The following ATRNL1 variants were observed in gnomAD, a reference collection of about 807,000 sequenced individuals.
The protein encoded by ATRNL1 is attractin like 1.
In ATRNL1, 95 loss-of-function variants were observed where a neutral mutation model predicts 182.7. The observed-to-expected ratio is 0.52, with a 90% CI of 0.44 to 0.62. ATRNL1 has a LOEUF of 0.62. Ranked by LOEUF, ATRNL1 falls within the 20% of genes least tolerant of loss-of-function variation. ATRNL1 has a pLI of 0.00. For missense variants in ATRNL1, 1,471 were observed against 1,679.5 expected (o/e 0.88, Z 2.17); for synonymous variants, 576 against 568.3 (o/e 1.01, Z -0.19).
chr10:115,287,891 T>C (rs1852698706), intron 15 of ATRNL1, among the ~76,000 whole-genome samples: 3 of 149,986 alleles, frequency 2.0e-5, no homozygotes, highest in Admixed American at 6.6e-5. Context: ...CTCTAGTACC[T>C]CTCCTCTACA....
chr10:115,891,943 G>A (rs937177230), intron 28 of ATRNL1, among the ~76,000 whole-genome samples: 12 of 152,106 alleles, frequency 7.9e-5, no homozygotes, highest in South Asian at 4.1e-4. Flanking sequence ...TGTGCAGTAC[G>A]GATGCTCACA....
At chr10:115,467,082 G>A in intron 22 of ATRNL1, 92 bp from the exon 23 acceptor site, 1 of 703,898 alleles carries the variant, frequency 1.4e-6, no homozygotes, top group Admixed American at 2.5e-5. Flanking sequence ...AGAGTTTAAG[G>A]AATAAAACAG....
At chr10:115,687,088 G>T (rs1232193797) in intron 26 of ATRNL1, among the ~76,000 whole-genome samples, 1 of 151,800 alleles carries the variant, frequency 6.6e-6, no homozygotes, top group East Asian at 1.9e-4. Flanking sequence ...TTTTGATTTG[G>T]ATTATGATGT....
At chr10:115,247,486 C>T (rs1214153671) in intron 10 of ATRNL1, among the ~76,000 whole-genome samples, 1 of 152,140 alleles carries the variant, frequency 6.6e-6, no homozygotes, top group Non-Finnish European at 1.5e-5. Flanking sequence ...AGTATCATCT[C>T]ACGCCATTTA....
Position 115,129,363 on chromosome 10 carries a change from G to C in ATRNL1, c.657G>C (p.Gly219=), listed in dbSNP as rs1554874433. The C allele has an allele frequency of 1.9e-6, 3 of 1,613,418 alleles. No homozygotes were observed. The Admixed American group carries it at 5.0e-5, about 27-fold the overall frequency. ...NSCPNNCSGH[G]KCTTSVSVPS... Reference sequence around the variant, plus strand: ...GTCCTAACAATTGCTCTGGTCATGGGAAGTGTACAACTAGTGTCTCTGTTC... The same window carrying C: ...GTCCTAACAATTGCTCTGGTCATGGCAAGTGTACAACTAGTGTCTCTGTTC... Residue 219 remains glycine, a synonymous_variant, in exon 5 of 29, where the codon GGG becomes GGC. Transcript: ENST00000355044.
chr10:115,098,351 G>T, intron 1 of ATRNL1, among the ~76,000 whole-genome samples: 1 of 150,878 alleles, frequency 6.6e-6, no homozygotes, highest in East Asian at 1.9e-4. Context: ...ATTCCTTTTG[G>T]CCTTAGTGCA....
intron 5 of ATRNL1, among the ~76,000 whole-genome samples, chr10:115,149,835 C>T (rs1846136580): frequency 1.4e-5 from 2 of 147,598 alleles, no homozygotes; most frequent in South Asian, 2.1e-4. Flanking sequence ...TAGGTTAATC[C>T]TGGCCTTGTA....
chr10:115,595,260 TCTTA>T (rs1255777014), intron 26 of ATRNL1, among the ~76,000 whole-genome samples: 5 of 152,146 alleles, frequency 3.3e-5, no homozygotes, highest in South Asian at 2.1e-4. Context: ...TTCCCTTTTT[TCTTA>T]CTTCTTTTTA....
chr10:115,524,346 CTTG>C (rs782383316), intron 25 of ATRNL1, among the ~76,000 whole-genome samples: 1 of 151,360 alleles, frequency 6.6e-6, no homozygotes, highest in Non-Finnish European at 1.5e-5. Context: ...GTTTTTTTTT[CTTG>C]TTGTTGCTGT....
intron 26 of ATRNL1, among the ~76,000 whole-genome samples, chr10:115,617,496 A>T (rs1484361955): frequency 2.6e-5 from 4 of 152,074 alleles, no homozygotes; most frequent in Non-Finnish European, 5.9e-5. Flanking sequence ...AGTAGCTGGG[A>T]TTACAGGCAT....
At chr10:115,594,711 G>A (rs966501227) in intron 26 of ATRNL1, among the ~76,000 whole-genome samples, 2 of 152,188 alleles carry the variant, frequency 1.3e-5, no homozygotes, top group East Asian at 3.9e-4. Flanking sequence ...CCTCATGTTG[G>A]CCAGGCTGGT....
chr10:115,102,744 G>A (rs531075265), intron 1 of ATRNL1, among the ~76,000 whole-genome samples: 1 of 152,280 alleles, frequency 6.6e-6, no homozygotes, highest in East Asian at 1.9e-4. Flanking sequence ...AGTAAATCTT[G>A]AAGTTAGATA....
chr10:115,876,110 G>A (rs561432785), intron 28 of ATRNL1, among the ~76,000 whole-genome samples: 1 of 152,166 alleles, frequency 6.6e-6, no homozygotes, highest in Non-Finnish European at 1.5e-5. Flanking sequence ...AGATTACCCA[G>A]CTCAGAATCT....
At chr10:115,155,335 T>A (rs1846460153) in intron 5 of ATRNL1, among the ~76,000 whole-genome samples, 1 of 152,132 alleles carries the variant, frequency 6.6e-6, no homozygotes, top group African/African-American at 2.4e-5. Context: ...GGGACTTAAT[T>A]ATACTTAATT....
intron 27 of ATRNL1, among the ~76,000 whole-genome samples, chr10:115,823,670 A>G (rs1369906790): frequency 1.3e-5 from 2 of 152,204 alleles, no homozygotes; most frequent in Non-Finnish European, 2.9e-5. Flanking sequence ...GTGAATTCCC[A>G]TTCACAATTG....
At chr10:115,445,376 A>C (rs1235941212) in intron 21 of ATRNL1, among the ~76,000 whole-genome samples, 1 of 132,550 alleles carries the variant, frequency 7.5e-6, no homozygotes, top group African/African-American at 2.8e-5. Flanking sequence ...GGCTGCAGTG[A>C]GCCAAGAGTG....
At chr10:115,896,917 A>G (rs1363704575) in intron 28 of ATRNL1, among the ~76,000 whole-genome samples, 1 of 152,214 alleles carries the variant, frequency 6.6e-6, no homozygotes, top group African/African-American at 2.4e-5. Flanking sequence ...TGTAATAGGG[A>G]GGACCCACAA....
chr10:115,186,912 A>C (rs1308986525), intron 8 of ATRNL1, among the ~76,000 whole-genome samples: 1 of 152,132 alleles, frequency 6.6e-6, no homozygotes, highest in Non-Finnish European at 1.5e-5. Flanking sequence ...AAAATATCTC[A>C]TGTAACCCAT....
chr10:115,631,264 T>C (rs920412460), intron 26 of ATRNL1, among the ~76,000 whole-genome samples: 1 of 152,048 alleles, frequency 6.6e-6, no homozygotes, highest in African/African-American at 2.4e-5. Context: ...AAGGGATAGA[T>C]TTATTAATTA....
Sources: gnomAD v4.1 joint callset for allele counts (sites outside exome capture counted in the v4.1 genomes callset) on GRCh38, gnomAD v4.1.1 for gene constraint, MANE v1.5 for transcripts, NCBI Gene and HGNC (gene_info 2026-07-23, HGNC 2026-07-21) for gene names.